PCDHGA2: variants seen among roughly 807,000 people sequenced by gnomAD.
PCDHGA2 encodes protocadherin gamma subfamily A, 2.
In PCDHGA2, 40 loss-of-function variants were observed where a neutral mutation model predicts 59.2. The ratio of observed to expected loss-of-function variants is 0.68; its 90% CI spans 0.52 to 0.88. The LOEUF is 0.88. Ranked by LOEUF, PCDHGA2 falls within the 40% of genes least tolerant of loss-of-function variation. The pLI is 0.00. For synonymous variants in PCDHGA2, 560 were observed against 526.0 expected (o/e 1.06, Z -0.89); for missense variants, 1,226 against 1,204.0 (o/e 1.02, Z -0.27).
At chr5:141,361,145 T>A in intron 1 of PCDHGA2, 1 of 1,613,964 alleles carries the variant, frequency 6.2e-7, no homozygotes, top group East Asian at 2.2e-5. Context: ...CAAGTTGAAA[T>A]TCTTGATGAC....
intron 1 of PCDHGA2, chr5:141,418,580 G>A: frequency 1.2e-5 from 20 of 1,614,018 alleles, no homozygotes; most frequent in Non-Finnish European, 1.7e-5. Flanking sequence ...CAACCCCCCA[G>A]TGTTCAGCCA....
intron 1 of PCDHGA2, chr5:141,393,556 G>A (rs758148175): frequency 5.6e-6 from 9 of 1,613,916 alleles, no homozygotes; most frequent in East Asian, 2.2e-5. Flanking sequence ...CCGATTTACC[G>A]AGTGAAAGTC....
intron 1 of PCDHGA2, chr5:141,351,598 T>A: frequency 1.2e-6 from 2 of 1,614,046 alleles, no homozygotes; most frequent in Non-Finnish European, 8.5e-7. Context: ...ACAATGCACC[T>A]GTTTTCCATC....
At chr5:141,365,047 G>C in intron 1 of PCDHGA2, 2 of 1,613,804 alleles carry the variant, frequency 1.2e-6, no homozygotes, top group Non-Finnish European at 1.7e-6. Context: ...ACGACAATGC[G>C]CCCCTGTTCA....
intron 1 of PCDHGA2, chr5:141,392,226 A>C (rs1468453380): frequency 1.3e-5 from 2 of 152,228 alleles, no homozygotes; most frequent in Non-Finnish European, 2.9e-5. Flanking sequence ...GTGACAACTG[A>C]AGTTCTTAGT....
chr5:141,379,819 A>T (rs1775847622), intron 1 of PCDHGA2, among the ~76,000 whole-genome samples: 1 of 150,144 alleles, frequency 6.7e-6, no homozygotes, highest in African/African-American at 2.4e-5. Context: ...TCAGTATAGA[A>T]TTTTGAAGCA....
Position 141,477,952 on chromosome 5 carries a change from A to C in PCDHGA2, c.2425-16855A>C, listed in dbSNP as rs907708638. The C allele has an allele frequency of 1.2e-6, 2 of 1,614,038 alleles. No individual in the cohort carries two copies. Among genetic ancestry groups the C allele is most frequent in the Non-Finnish European group, 1.7e-6 (2 of 1,180,002 alleles). Reference sequence around the variant, plus strand: ...CCTGGCTCTCCTACAGTCTCTTGGGATCCCCTAACCAGAGCCTTTTTGCCA... The same window carrying C: ...CCTGGCTCTCCTACAGTCTCTTGGGCTCCCCTAACCAGAGCCTTTTTGCCA... On this transcript the variant is annotated intron_variant, in intron 1 of 3. Coordinates refer to ENST00000394576, the MANE Select transcript of PCDHGA2 (RefSeq NM_018915.4). This position sits in a 1 kb window ranked among gnomAD's most constrained non-coding sequence, Gnocchi z 4.9.
intron 1 of PCDHGA2, chr5:141,367,354 C>A (rs991967780): frequency 2.6e-5 from 4 of 151,972 alleles, no homozygotes; most frequent in African/African-American, 9.7e-5. Flanking sequence ...CTGGCTAACA[C>A]GGTGAAACCC....
rs1756949883 is a variant in PCDHGA2 at position 141,340,492 on chromosome 5, C to T, written c.1521C>T (p.Ile507=). The T allele has an allele frequency of 1.9e-6, 3 of 1,614,242 alleles. No individual in the cohort carries two copies. The highest frequency in any genetic ancestry group is 2.5e-6 in the Non-Finnish European group (3 of 1,180,044). ...QGAPLSSYIS[I]NSDTGVLYAL... ...CACCCTTATCCTCTTACATCTCTAT[C>T]AACTCCGACACTGGAGTACTCTATG... is the stretch of plus-strand genomic sequence containing the variant. Residue 507 remains isoleucine (I), a synonymous_variant, in exon 1 of 4, where the codon ATC becomes ATT. Transcript: ENST00000394576.
At chr5:141,356,289 T>G (rs1298139288) in intron 1 of PCDHGA2, 1 of 1,555,532 alleles carries the variant, frequency 6.4e-7, no homozygotes, top group Admixed American at 2.0e-5. Flanking sequence ...CTTCCCCGGG[T>G]ACAGTAATTG....
chr5:141,339,966 A>G lies in PCDHGA2; in HGVS notation c.995A>G (p.Lys332Arg). ...QDGPGLLTRAKVIVTVLDVND... is the reference protein window; with the variant it reads ...QDGPGLLTRARVIVTVLDVND... ...GGTCCGGGCCTTCTAACCAGAGCGA[A>G]GGTTATCGTCACGGTTCTGGATGTG... Residue 332 changes from lysine (K) to arginine (R), a missense_variant, in exon 1 of 4, where the codon AAG becomes AGG. Lys to Arg is a conservative substitution (Grantham distance 26). Transcript: ENST00000394576. 6.2e-7 allele frequency: 1 copy of G among 1,614,190 alleles called. No individual in the cohort carries two copies. The highest frequency in any genetic ancestry group is 8.5e-7 in the Non-Finnish European group (1 of 1,180,006).
chr5:141,346,422 T>C lies in PCDHGA2; in HGVS notation c.2424+5027T>C, dbSNP rs770342627. ...CGAGCCTCTTCTGATAACTCAGGATTTACTTGAAATGAAAGGAGATTCCAA... is the reference window on the plus strand; with the variant it reads ...CGAGCCTCTTCTGATAACTCAGGATCTACTTGAAATGAAAGGAGATTCCAA... On this transcript the variant is annotated intron_variant, in intron 1 of 3. Coordinates refer to ENST00000394576, the MANE Select transcript of PCDHGA2 (RefSeq NM_018915.4). The C allele has an allele frequency of 3.1e-6, 5 of 1,614,256 alleles. No individual in the cohort carries two copies. The South Asian group carries it at 5.5e-5, about 18-fold the overall frequency.
In PCDHGA2 at chr5:141,393,995, A is replaced by C. The variant is rs201832611; in HGVS notation, c.2424+52600A>C. On this transcript the variant is annotated intron_variant, in intron 1 of 3. Coordinates refer to ENST00000394576, the MANE Select transcript of PCDHGA2 (RefSeq NM_018915.4). ...CACGTGATAATTTACCTTTTAAATT[A>C]GAAAAGTCAATAGGTAATTATTATA... is the stretch of plus-strand genomic sequence containing the variant. The C allele has an allele frequency of 8.1e-6, 13 of 1,613,430 alleles. No homozygotes were observed. Among genetic ancestry groups the C allele is most frequent in the Non-Finnish European group, 1.1e-5 (13 of 1,179,634 alleles).
Position 141,385,647 on chromosome 5 carries a change from A to C in PCDHGA2, c.2424+44252A>C, listed in dbSNP as rs541754761. On this transcript the variant is annotated intron_variant, in intron 1 of 3. Transcript: ENST00000394576. The stretch of plus-strand genomic sequence containing the variant: ...GAATGAATCGAGTCTTTCATATTGC[A>C]CAAGGTTAGCAGGAATAAAACACAC... The C allele has an allele frequency of 2.2e-5, 16 of 727,638 alleles. No homozygotes were observed. The African/African-American group carries it at 2.4e-4, about 11-fold the overall frequency. 45.1% of individuals were successfully genotyped at this position (727,638 alleles called of 1,614,324 possible).
intron 1 of PCDHGA2, chr5:141,388,833 T>G (rs761698912): frequency 6.2e-7 from 1 of 1,613,838 alleles, no homozygotes; most frequent in Non-Finnish European, 8.5e-7. Context: ...TTCCATAGTT[T>G]TGGAAGCAAG....
At chr5:141,341,540 T>C (rs1236533831) in intron 1 of PCDHGA2, 145 bp downstream of exon 1, 1 of 1,463,468 alleles carries the variant, frequency 6.8e-7, no homozygotes, top group Non-Finnish European at 9.1e-7. Flanking sequence ...TATTTCTTGG[T>C]AGGTCTTAGT....
At chr5:141,395,358 G>C in intron 1 of PCDHGA2, 1 of 1,346,158 alleles carries the variant, frequency 7.4e-7, no homozygotes, top group Non-Finnish European at 9.9e-7. Flanking sequence ...ACAGAGTTTT[G>C]GGTTTATTTT....
At chr5:141,405,217 G>A in intron 1 of PCDHGA2, 9 of 1,614,024 alleles carry the variant, frequency 5.6e-6, no homozygotes, top group Non-Finnish European at 7.6e-6. Context: ...CCTATTCTCA[G>A]GAGTTCTCCC....
At chr5:141,456,695 T>C (rs1264543968) in intron 1 of PCDHGA2, among the ~76,000 whole-genome samples, 2 of 152,136 alleles carry the variant, frequency 1.3e-5, no homozygotes, top group Non-Finnish European at 2.9e-5. Flanking sequence ...CCAGGCGTGG[T>C]GGCTCGCGCC....
Sources: allele counts gnomAD v4.1 joint callset (sites outside exome capture counted in the v4.1 genomes callset), GRCh38; gene constraint gnomAD v4.1.1; non-coding constraint Gnocchi (gnomAD v3.1); transcripts MANE v1.5; gene names NCBI Gene and HGNC (gene_info 2026-07-23, HGNC 2026-07-21).